Variants in OSBPL1A observed in about 807,000 individuals in gnomAD.
OSBPL1A encodes the protein oxysterol binding protein like 1A.
Under a neutral mutation model 137.1 loss-of-function variants are expected in OSBPL1A, and 80 were observed. That is an observed-to-expected ratio of 0.58 (90% CI 0.49 to 0.70). The LOEUF (loss-of-function observed/expected upper bound fraction) is 0.70. Among genes scored for constraint, OSBPL1A ranks in the 30% least tolerant of loss-of-function variants. OSBPL1A has a pLI of 0.00. For synonymous variants in OSBPL1A, 365 were observed against 389.7 expected (o/e 0.94, Z 0.75); for missense variants, 970 against 1,129.4 (o/e 0.86, Z 2.02).
At chr18:24,312,555 A>G (rs573059222) in intron 12 of OSBPL1A, among the ~76,000 whole-genome samples, 1 of 152,352 alleles carries the variant, frequency 6.6e-6, no homozygotes, top group African/African-American at 2.4e-5. Context: ...AAAACAGCCA[A>G]TACTTGCCCT....
chr18:24,355,146 A>G (rs531119574), intron 4 of OSBPL1A, among the ~76,000 whole-genome samples: 141 of 152,130 alleles, frequency 9.3e-4, no homozygotes, highest in African/African-American at 3.3e-3. Context: ...GGTAAATGAT[A>G]GGACCTCTAA....
At chr18:24,303,809 A>G (rs2090448621) in intron 13 of OSBPL1A, 91 bp from the exon 14 acceptor site, 3 of 991,620 alleles carry the variant, frequency 3.0e-6, no homozygotes, top group Non-Finnish European at 3.1e-6. Flanking sequence ...CTTTCAGTAC[A>G]TAGATTGATA....
intron 15 of OSBPL1A, among the ~76,000 whole-genome samples, chr18:24,261,745 A>C (rs1304761422): frequency 6.6e-6 from 1 of 152,178 alleles, no homozygotes; most frequent in Non-Finnish European, 1.5e-5. Flanking sequence ...ACTTGGGACG[A>C]TCATCTGACC....
chr18:24,297,508 G>A (rs745852243), intron 14 of OSBPL1A, among the ~76,000 whole-genome samples: 16 of 151,744 alleles, frequency 1.1e-4, no homozygotes, highest in Admixed American at 2.0e-4. Context: ...TGCTCTTTCC[G>A]ACTTTTTAAT....
At chr18:24,320,000 T>A (rs890049308) in intron 7 of OSBPL1A, among the ~76,000 whole-genome samples, 11 of 142,528 alleles carry the variant, frequency 7.7e-5, no homozygotes, top group East Asian at 4.0e-4. Context: ...AAAAAAAAAA[T>A]TTAATTAGCC....
intron 17 of OSBPL1A, among the ~76,000 whole-genome samples, chr18:24,222,899 G>C (rs2087937642): frequency 6.6e-6 from 1 of 152,134 alleles, no homozygotes; most frequent in East Asian, 1.9e-4. Flanking sequence ...TGGTGGTATG[G>C]GGTGAGGGAG....
intron 7 of OSBPL1A, among the ~76,000 whole-genome samples, chr18:24,319,052 T>A (rs761768713): frequency 6.6e-6 from 1 of 152,228 alleles, no homozygotes; most frequent in East Asian, 1.9e-4. Context: ...ACTCATAAAT[T>A]TGTGGCTTAA....
chr18:24,332,385 C>CAAAAAAAAAAAAAA (rs71163675), intron 7 of OSBPL1A, among the ~76,000 whole-genome samples: 3 of 53,080 alleles, frequency 5.7e-5, no homozygotes, highest in African/African-American at 1.9e-4. Flanking sequence ...GACTCTGTCT[C>CAAAAAAAAAAAAAA]AAAAAAAAAA....
intron 16 of OSBPL1A, among the ~76,000 whole-genome samples, chr18:24,230,599 TGCA>T (rs1270423624): frequency 1.3e-5 from 2 of 152,220 alleles, no homozygotes; most frequent in Admixed American, 6.5e-5. Flanking sequence ...ATTTTTTTAA[TGCA>T]GCAGAAGGAA....
intron 27 of OSBPL1A, among the ~76,000 whole-genome samples, chr18:24,163,625 A>T (rs918797346): frequency 2.5e-4 from 38 of 152,176 alleles, no homozygotes; most frequent in African/African-American, 6.7e-4. Flanking sequence ...TCCACAAGGC[A>T]TTTTTTTAAG....
intron 15 of OSBPL1A, among the ~76,000 whole-genome samples, chr18:24,241,546 C>G (rs1413109524): frequency 6.6e-6 from 1 of 152,156 alleles, no homozygotes; most frequent in African/African-American, 2.4e-5. Flanking sequence ...CACTGGTAAT[C>G]AGAGAAATGC....
At chr18:24,371,893 C>T (rs1284381298) in intron 2 of OSBPL1A, among the ~76,000 whole-genome samples, 6 of 152,204 alleles carry the variant, frequency 3.9e-5, no homozygotes, top group Admixed American at 6.5e-5. Context: ...GCCCTGTACC[C>T]TGTGGGTCCT....
intron 1 of OSBPL1A, among the ~76,000 whole-genome samples, chr18:24,386,997 A>G (rs977317393): frequency 3.9e-5 from 6 of 152,164 alleles, no homozygotes; most frequent in African/African-American, 1.4e-4. Context: ...TTTATTTCAA[A>G]TAGATATCTA....
intron 4 of OSBPL1A, among the ~76,000 whole-genome samples, chr18:24,350,130 C>T (rs1034712007): frequency 6.6e-6 from 1 of 151,900 alleles, no homozygotes; most frequent in African/African-American, 2.4e-5. Flanking sequence ...AGTGTGGCCC[C>T]TTTAGCTAGT....
intron 21 of OSBPL1A, among the ~76,000 whole-genome samples, chr18:24,175,586 T>G (rs1367657401): frequency 6.6e-6 from 1 of 152,230 alleles, no homozygotes; most frequent in African/African-American, 2.4e-5. Flanking sequence ...TACTATTCTA[T>G]AGTTTATCTT....
chr18:24,238,361 C>G (rs892678018), intron 16 of OSBPL1A, among the ~76,000 whole-genome samples: 1 of 152,306 alleles, frequency 6.6e-6, no homozygotes, highest in Middle Eastern at 3.4e-3. Flanking sequence ...CCACCCCCTT[C>G]CATGTTCCTT....
At chr18:24,376,695 T>C (rs117275849) in intron 2 of OSBPL1A, among the ~76,000 whole-genome samples, 2,262 of 152,346 alleles carry the variant, frequency 0.015, 28 homozygotes, top group Middle Eastern at 0.024. Flanking sequence ...GGCTGAAGCA[T>C]GGCCGACTGC....
intron 2 of OSBPL1A, among the ~76,000 whole-genome samples, chr18:24,370,028 AC>A (rs1905499271): frequency 6.6e-6 from 1 of 152,118 alleles, no homozygotes; most frequent in Non-Finnish European, 1.5e-5. Context: ...TCAAGACCAG[AC>A]TGGGCAACAT....
At chr18:24,318,681 C>T in intron 8 of OSBPL1A, 36 bp from the exon 9 acceptor site, 2 of 1,605,662 alleles carry the variant, frequency 1.2e-6, no homozygotes, top group Non-Finnish European at 1.7e-6. Context: ...AATGCATCTA[C>T]ATATTTCAAA....
Sources: gnomAD v4.1 joint callset for allele counts (sites outside exome capture counted in the v4.1 genomes callset) on GRCh38, gnomAD v4.1.1 for gene constraint, MANE v1.5 for transcripts, NCBI Gene and HGNC (gene_info 2026-07-23, HGNC 2026-07-21) for gene names.